Variants in PLCG2 observed in about 807,000 individuals in gnomAD.
The protein encoded by PLCG2 is 1-phosphatidylinositol 4,5-bisphosphate phosphodiesterase gamma-2.
Under a neutral mutation model 175.6 loss-of-function variants are expected in PLCG2, and 69 were observed. The observed-to-expected ratio is 0.39, with a 90% confidence interval of 0.32 to 0.48. The LOEUF is 0.48. Ranked by LOEUF, PLCG2 falls within the 20% of genes least tolerant of loss-of-function variation. The probability of loss-of-function intolerance (pLI) is 0.91; values close to 1 mark genes in which losing one functional copy is unlikely to be tolerated. For synonymous variants in PLCG2, 827 were observed against 624.0 expected (o/e 1.33, Z -4.85); for missense variants, 1,798 against 1,650.9 (o/e 1.09, Z -1.54).
In PLCG2 at chr16:81,952,913, C is replaced by T. The variant is rs536007224; in HGVS notation, c.3571-3782C>T. Among the ~76,000 whole-genome samples the T allele has an allele frequency of 3.3e-5, 5 of 152,326 alleles. No individual in the cohort carries two copies. In the South Asian group the frequency reaches 1.0e-3, roughly 32 times the overall value. On this transcript the variant is annotated intron_variant, in intron 31 of 32. Transcript: ENST00000564138. ...TAGAAAGACAAAAATAGCAGCTTTACAGCGGATAGACCCTGCAGCTACCAT... is the reference window on the plus strand; with the variant it reads ...TAGAAAGACAAAAATAGCAGCTTTATAGCGGATAGACCCTGCAGCTACCAT...
chr16:81,956,682 C>G lies in PLCG2; in HGVS notation c.3571-13C>G. ...AGTCACCACATGGTTGTTCTCTCCC[C>G]TGCATCCTCCAGGAGAGCGAAGAGG... On this transcript the variant is annotated splice_polypyrimidine_tract_variant and intron_variant, in intron 31 of 32. Transcript: ENST00000564138. 6.2e-7 allele frequency: 1 copy of G among 1,611,740 alleles called. No individual in the cohort carries two copies. Among genetic ancestry groups the G allele is most frequent in the South Asian group, 1.1e-5 (1 of 90,826 alleles).
At chr16:81,799,625 G>C (rs891725899) in intron 2 of PLCG2, among the ~76,000 whole-genome samples, 1 of 135,994 alleles carries the variant, frequency 7.4e-6, no homozygotes, top group Non-Finnish European at 1.5e-5. Flanking sequence ...TTGAGACAGA[G>C]TCTCGCTCTA....
chr16:81,931,362 C>T (rs956241442), intron 24 of PLCG2, 135 bp from the exon 25 acceptor site: 14 of 713,054 alleles, frequency 2.0e-5, no homozygotes, highest in African/African-American at 5.3e-5. Context: ...GGAAAGTAGA[C>T]GTCCCCATCA....
intron 1 of PLCG2, among the ~76,000 whole-genome samples, chr16:81,780,575 A>G (rs1003807846): frequency 6.6e-6 from 1 of 152,138 alleles, no homozygotes; most frequent in African/African-American, 2.4e-5. Context: ...TGTGAGCCTC[A>G]CTGATGTTTA....
chr16:81,817,163 G>C (rs961508518), intron 2 of PLCG2, among the ~76,000 whole-genome samples: 7 of 152,162 alleles, frequency 4.6e-5, no homozygotes, highest in African/African-American at 1.7e-4. Flanking sequence ...CAAGGGACAG[G>C]AAGAGCGCAC....
intron 2 of PLCG2, among the ~76,000 whole-genome samples, chr16:81,792,566 G>A (rs1302084914): frequency 6.7e-6 from 1 of 150,204 alleles, no homozygotes. Context: ...AATTTATAAA[G>A]GAAAGAGGTT....
intron 24 of PLCG2, 101 bp downstream of exon 24, chr16:81,928,725 T>C (rs777183007): frequency 2.6e-5 from 20 of 777,228 alleles, no homozygotes; most frequent in Non-Finnish European, 3.9e-5. Flanking sequence ...CAGGGTCCTG[T>C]CTTGAATGCC....
At chr16:81,801,781 A>C (rs949519424) in intron 2 of PLCG2, among the ~76,000 whole-genome samples, 2 of 150,726 alleles carry the variant, frequency 1.3e-5, no homozygotes, top group South Asian at 2.1e-4. Flanking sequence ...CCAGGGTTCA[A>C]GCGATTCTCT....
Position 81,936,179 on chromosome 16 carries a change from C to G in PLCG2, c.2853C>G (p.Asp951Glu). 1 of 1,614,108 alleles carries G rather than the reference C, an allele frequency of 6.2e-7. No individual in the cohort carries two copies. The highest frequency in any genetic ancestry group is 8.5e-7 in the Non-Finnish European group (1 of 1,180,036). ...SKTKDNLENP[D>E]FREIRSFVET... is the part of the protein sequence containing the mutation. ...TTTCTCTGTGTGCAGAAAATCCTGA[C>G]TTCCGAGAAATCCGCTCCTTTGTGG... The change falls in exon 27 of 33, where the codon GAC (aspartate) becomes GAG (glutamate). Residue 951 changes from aspartate to glutamate, a missense_variant. Physicochemically the swap from Asp to Glu is conservative, Grantham distance 45. Transcript: ENST00000564138.
intron 15 of PLCG2, 47 bp downstream of exon 15, chr16:81,905,554 A>AGG: frequency 8.0e-7 from 1 of 1,251,144 alleles, no homozygotes; most frequent in Non-Finnish European, 1.2e-6. Context: ...CGCCCCTTGC[A>AGG]GCTGCTTCTT....
intron 1 of PLCG2, among the ~76,000 whole-genome samples, chr16:81,741,253 C>A (rs1444523976): frequency 6.6e-6 from 1 of 152,104 alleles, no homozygotes; most frequent in Non-Finnish European, 1.5e-5. Flanking sequence ...TGTGCTGGGG[C>A]TTTGAGGTTA....
At position 81,858,860 on chromosome 16, in the gene PLCG2, T is replaced by C. The variant is rs573211355; in HGVS notation, c.432-256T>C. Among the ~76,000 whole-genome samples the C allele has an allele frequency of 0.036, 6 of 168 alleles. No individual in the cohort carries two copies. In the East Asian group the frequency reaches 0.43, roughly 12 times the overall value. 0.1% of individuals were successfully genotyped at this position (168 alleles called of 152,430 possible). A position where few individuals can be genotyped will look rare whatever the true frequency, so the allele number is the denominator to read the frequency against. On this transcript the variant is annotated intron_variant, in intron 4 of 32. Transcript: ENST00000564138. The stretch of plus-strand genomic sequence containing the variant: ...TTTACTATTTTTCTTTCTAGCTTTT[T>C]GGGGATTAAATGACTATCATCAGAA...
At chr16:81,937,565 G>C (rs1419345249) in intron 27 of PLCG2, 193 bp from the exon 28 acceptor site, 1 of 433,822 alleles carries the variant, frequency 2.3e-6, no homozygotes, top group Non-Finnish European at 4.1e-6. Context: ...GACATACTTG[G>C]AAAGGTGTTC....
intron 2 of PLCG2, among the ~76,000 whole-genome samples, chr16:81,832,769 G>T (rs1225981744): frequency 6.6e-6 from 1 of 152,232 alleles, no homozygotes; most frequent in Admixed American, 6.5e-5. Flanking sequence ...GTGAGGATCA[G>T]ATCCCATTCT....
At chr16:81,934,279 G>C (rs745811983) in intron 25 of PLCG2, 150 bp from the exon 26 acceptor site, 11 of 620,500 alleles carry the variant, frequency 1.8e-5, no homozygotes, top group Non-Finnish European at 2.6e-5. Context: ...AGAGGGGCAG[G>C]GTTGTCTTCA....
intron 2 of PLCG2, among the ~76,000 whole-genome samples, chr16:81,808,249 G>T (rs146378438): frequency 3.2e-4 from 48 of 152,286 alleles, no homozygotes; most frequent in African/African-American, 1.2e-3. Context: ...GTTTTCCAAC[G>T]GGGCTACACT....
intron 8 of PLCG2, among the ~76,000 whole-genome samples, chr16:81,882,244 T>G (rs1011538509): frequency 6.6e-6 from 1 of 152,186 alleles, no homozygotes; most frequent in Non-Finnish European, 1.5e-5. Context: ...AGTGAGGCCC[T>G]GTTTTTCTGG....
At chr16:81,917,309 G>C (rs1227047359) in intron 19 of PLCG2, among the ~76,000 whole-genome samples, 1 of 151,210 alleles carries the variant, frequency 6.6e-6, no homozygotes, top group Admixed American at 6.6e-5. Flanking sequence ...TCTGTTGATG[G>C]GCAGGCTGAT....
intron 11 of PLCG2, among the ~76,000 whole-genome samples, chr16:81,892,462 A>G (rs1487668795): frequency 3.9e-5 from 6 of 152,252 alleles, no homozygotes; most frequent in Admixed American, 2.6e-4. Flanking sequence ...CCTAAGTGAC[A>G]TTCCAGGGGG....
Sources: allele counts gnomAD v4.1 joint callset (sites outside exome capture counted in the v4.1 genomes callset), GRCh38; gene constraint gnomAD v4.1.1; transcripts MANE v1.5; gene names NCBI Gene and HGNC (gene_info 2026-07-23, HGNC 2026-07-21).